MED23: variants seen among roughly 807,000 people sequenced by gnomAD.
The protein encoded by MED23 is mediator of RNA polymerase II transcription subunit 23.
A neutral mutation model predicts 163.9 loss-of-function variants in MED23; 105 were observed. The ratio of observed to expected loss-of-function variants is 0.64; its 90% CI spans 0.55 to 0.75. The LOEUF (loss-of-function observed/expected upper bound fraction) is 0.75. Ranked by LOEUF, MED23 falls within the 30% of genes least tolerant of loss-of-function variation. The pLI is 0.00. For missense variants in MED23, 1,054 were observed against 1,649.0 expected (o/e 0.64, Z 6.25); for synonymous variants, 561 against 565.6 (o/e 0.99, Z 0.12).
intron 30 of MED23, chr6:131,579,131 G>A (rs1232128891): frequency 6.8e-6 from 11 of 1,614,112 alleles, no homozygotes; most frequent in Non-Finnish European, 9.3e-6. Context: ...GAAGGATTAT[G>A]GGGACCTGCC....
At chr6:131,608,129 G>T (rs1189834352) in intron 11 of MED23, 58 bp from the exon 12 acceptor site, 3 of 1,588,990 alleles carry the variant, frequency 1.9e-6, no homozygotes, top group East Asian at 4.5e-5. Context: ...ATGAATACAG[G>T]AAGTTTTTGT....
At chr6:131,593,237 G>A in intron 23 of MED23, 66 bp from the exon 24 acceptor site, 2 of 1,590,312 alleles carry the variant, frequency 1.3e-6, no homozygotes, top group Non-Finnish European at 1.7e-6. Context: ...CTGATTATGA[G>A]CTGCCAAGAA....
At position 131,581,367 on chromosome 6, in the gene MED23, C is replaced by T. The variant is rs1562359129; in HGVS notation, c.4095+6342G>A. ...ACCTGTATCTTTCCTCCTGAAGGAA[C>T]TAAAAGGAAAGGTAAAAGACTGGTT... On this transcript the variant is annotated intron_variant, in intron 30 of 30. Transcript: ENST00000354577. The T allele has an allele frequency of 6.2e-7, 1 of 1,612,858 alleles. No homozygotes were observed.
At chr6:131,576,696 T>C (rs1359505397) in intron 30 of MED23, 2 of 1,614,120 alleles carry the variant, frequency 1.2e-6, no homozygotes, top group Non-Finnish European at 8.5e-7. Context: ...CCCTACAGTA[T>C]TGAGAAAGGC....
intron 3 of MED23, 34 bp downstream of exon 3, chr6:131,627,362 C>T (rs746026704): frequency 1.4e-6 from 2 of 1,460,730 alleles, no homozygotes; most frequent in Non-Finnish European, 1.9e-6. Context: ...GGCCAAAAAT[C>T]ATCAGCTGAA....
At chr6:131,579,645 A>C (rs1219716145) in intron 30 of MED23, 4 of 167,226 alleles carry the variant, frequency 2.4e-5, no homozygotes, top group Admixed American at 6.1e-5. Context: ...CAACAATTTC[A>C]AAGCATGTGT....
downstream of MED23, among the ~76,000 whole-genome samples, chr6:131,586,266 G>A (rs2114559449): frequency 6.6e-6 from 1 of 152,206 alleles, no homozygotes; most frequent in Admixed American, 6.5e-5. Flanking sequence ...CAGGCGTGGT[G>A]GCAGGCGCCT....
chr6:131,603,289 A>G, intron 15 of MED23, 85 bp from the exon 16 acceptor site: 1 of 1,320,356 alleles, frequency 7.6e-7, no homozygotes, highest in East Asian at 2.3e-5. Flanking sequence ...TGAGTAAAAT[A>G]TAAAGATTTG....
chr6:131,579,452 G>T (rs1773804735), intron 30 of MED23: 3 of 652,630 alleles, frequency 4.6e-6, no homozygotes, highest in Non-Finnish European at 7.6e-6. Context: ...TATAGAAACA[G>T]ACTTCGCTCA....
intron 10 of MED23, among the ~76,000 whole-genome samples, chr6:131,615,503 CAAAA>C (rs917020235): frequency 3.4e-3 from 48 of 14,128 alleles, no homozygotes; most frequent in African/African-American, 0.013. Flanking sequence ...AAACACACAC[CAAAA>C]AAAAAAAAAA....
chr6:131,587,582 C>A lies in MED23; in HGVS notation c.*97G>T. ...AATCTGAATATCATCACTGCTTCTA[C>A]TATATCACTACAGTGTGATCGCATT... On this transcript the variant is annotated 3_prime_UTR_variant, in exon 29 of 29. Transcript: ENST00000368068. The A allele has an allele frequency of 6.3e-7, 1 of 1,587,056 alleles. No individual in the cohort carries two copies.
intron 30 of MED23, among the ~76,000 whole-genome samples, chr6:131,574,832 T>C (rs1175957579): frequency 2.0e-5 from 3 of 152,170 alleles, no homozygotes. Flanking sequence ...TATTTTTACC[T>C]TACAGTTGGG....
rs532233191 is a variant in MED23, at chr6:131,595,311, T to G, written c.2995+636A>C. ...TCATTTTCAATGCAACCACTGTTGC[T>G]TAGATACTAATCACACAACTGAGCT... On this transcript the variant is annotated intron_variant, in intron 22 of 28. Coordinates refer to ENST00000368068, the MANE Select transcript of MED23 (RefSeq NM_004830.4). Among the ~76,000 whole-genome samples the G allele has an allele frequency of 6.6e-5, 10 of 152,378 alleles. No homozygotes were observed. The South Asian group carries it at 2.1e-3, about 32-fold the overall frequency.
At chr6:131,593,692 A>G (rs551867555) in intron 23 of MED23, among the ~76,000 whole-genome samples, 3 of 152,238 alleles carry the variant, frequency 2.0e-5, no homozygotes, top group East Asian at 3.9e-4. Flanking sequence ...CTTTTCAATA[A>G]AGAAAAATAT....
At chr6:131,599,888 C>A (rs1775338758) in intron 18 of MED23, 150 bp downstream of exon 18, 1 of 946,302 alleles carries the variant, frequency 1.1e-6, no homozygotes, top group South Asian at 1.6e-5. Flanking sequence ...AGACTAGAGG[C>A]TTGTGCCACC....
At chr6:131,613,622 A>G (rs761575247) in intron 10 of MED23, among the ~76,000 whole-genome samples, 7 of 152,194 alleles carry the variant, frequency 4.6e-5, no homozygotes. Flanking sequence ...TGAGCATATT[A>G]TCTTCTGTCT....
chr6:131,587,063 A>T lies in MED23; in HGVS notation c.*616T>A. The T allele has an allele frequency of 7.9e-6, 11 of 1,386,552 alleles. No homozygotes were observed. Among genetic ancestry groups the T allele is most frequent in the Non-Finnish European group, 9.4e-6 (10 of 1,065,044 alleles). The allele number at this position is 1,386,552 out of a possible 1,614,324, so 85.9% of individuals were successfully genotyped here. On this transcript the variant is annotated 3_prime_UTR_variant, in exon 29 of 29. Coordinates refer to ENST00000368068, the MANE Select transcript of MED23 (RefSeq NM_004830.4). Reference sequence around the variant, plus strand: ...TGGCTTCCAACTAATTTTATACAGTAAGTTCAAGTCCATAGCAAAGGTAAT... The same window carrying T: ...TGGCTTCCAACTAATTTTATACAGTTAGTTCAAGTCCATAGCAAAGGTAAT...
chr6:131,628,246 A>C, upstream of MED23: 1 of 629,562 alleles, frequency 1.6e-6, no homozygotes, highest in Admixed American at 2.6e-5. Flanking sequence ...GGAAGACGGG[A>C]AGGGCCCGGT....
intron 22 of MED23, among the ~76,000 whole-genome samples, chr6:131,595,236 C>T (rs1312431831): frequency 6.6e-6 from 1 of 152,178 alleles, no homozygotes; most frequent in African/African-American, 2.4e-5. Flanking sequence ...TCCTTATAAC[C>T]AGCCAATCAA....
Sources: gnomAD v4.1 joint callset for allele counts (sites outside exome capture counted in the v4.1 genomes callset) on GRCh38, gnomAD v4.1.1 for gene constraint, MANE v1.5 for transcripts, NCBI Gene and HGNC (gene_info 2026-07-23, HGNC 2026-07-21) for gene names.